The following ACTR3C variants were observed in gnomAD, a reference collection of about 807,000 sequenced individuals.
ACTR3C encodes the protein actin related protein 3C.
Under a neutral mutation model 26.3 loss-of-function variants are expected in ACTR3C, and 18 were observed. The ratio of observed to expected loss-of-function variants is 0.68; its 90% CI spans 0.47 to 1.01. ACTR3C has a LOEUF of 1.01. ACTR3C is among the 50% of genes least tolerant of loss of function. ACTR3C has a pLI of 0.00. For missense variants in ACTR3C, 184 were observed against 250.7 expected (o/e 0.73, Z 1.80); for synonymous variants, 55 against 94.5 (o/e 0.58, Z 2.42).
At chr7:150,174,696 G>C in the ACTR3C span, among the ~76,000 whole-genome samples, 1 of 141,576 alleles carries the variant, frequency 7.1e-6, no homozygotes, top group Non-Finnish European at 1.5e-5. Context: ...ATGTATATTT[G>C]AGTAGCCTTA....
intron 1 of ACTR3C, among the ~76,000 whole-genome samples, chr7:150,311,120 A>G (rs1796285676): frequency 6.6e-6 from 1 of 152,184 alleles, no homozygotes; most frequent in South Asian, 2.1e-4. Context: ...AGCTCACTAA[A>G]GGTGATTTAA....
the ACTR3C span, among the ~76,000 whole-genome samples, chr7:150,041,709 G>T: frequency 1.2e-4 from 17 of 142,062 alleles, no homozygotes; most frequent in African/African-American, 3.7e-4. Flanking sequence ...CCACCCTCGC[G>T]GGGGGTGCCT....
At chr7:150,073,024 G>A in the ACTR3C span, among the ~76,000 whole-genome samples, 1 of 152,176 alleles carries the variant, frequency 6.6e-6, no homozygotes, top group Non-Finnish European at 1.5e-5. Context: ...GAGTGGCATC[G>A]ACTATTTAAT....
chr7:150,009,368 G>T, the ACTR3C span, among the ~76,000 whole-genome samples: 1 of 152,234 alleles, frequency 6.6e-6, no homozygotes, highest in African/African-American at 2.4e-5. Context: ...GCAGGTCTGT[G>T]CATTCAGTGA....
chr7:149,918,903 A>T, the ACTR3C span, among the ~76,000 whole-genome samples: 1 of 152,160 alleles, frequency 6.6e-6, no homozygotes, highest in Non-Finnish European at 1.5e-5. Flanking sequence ...GTTGGTGCCC[A>T]TGTACCTGTG....
chr7:150,228,897 T>TG, the ACTR3C span, among the ~76,000 whole-genome samples: 1 of 149,546 alleles, frequency 6.7e-6, no homozygotes, highest in African/African-American at 2.5e-5. Context: ...TATATATATA[T>TG]AGAGAGAGTG....
chr7:149,973,124 C>T, the ACTR3C span, among the ~76,000 whole-genome samples: 4 of 151,810 alleles, frequency 2.6e-5, no homozygotes, highest in Non-Finnish European at 5.9e-5. Context: ...GCCCCATGAG[C>T]GAGCGGCACA....
the ACTR3C span, among the ~76,000 whole-genome samples, chr7:150,228,259 G>A: frequency 1.3e-5 from 2 of 152,140 alleles, no homozygotes; most frequent in Non-Finnish European, 2.9e-5. Context: ...TATTTTTGGT[G>A]ATGCCGTAAG....
the ACTR3C span, among the ~76,000 whole-genome samples, chr7:150,035,182 G>A: frequency 7.3e-6 from 1 of 137,010 alleles, no homozygotes; most frequent in Admixed American, 7.1e-5. Flanking sequence ...AGAGGGTCTG[G>A]CTCTCAGTCC....
the ACTR3C span, among the ~76,000 whole-genome samples, chr7:150,042,912 A>G: frequency 1.1e-4 from 16 of 150,946 alleles, no homozygotes; most frequent in Middle Eastern, 3.4e-3. Context: ...TGGGGCTGCC[A>G]GAAGTTTTTC....
At chr7:149,887,146 A>G in the ACTR3C span, among the ~76,000 whole-genome samples, 1 of 152,182 alleles carries the variant, frequency 6.6e-6, no homozygotes, top group Non-Finnish European at 1.5e-5. Context: ...GGTCTATCTC[A>G]GGGGAAGAAA....
At chr7:149,908,864 C>T in the ACTR3C span, among the ~76,000 whole-genome samples, 1 of 151,954 alleles carries the variant, frequency 6.6e-6, no homozygotes, top group Non-Finnish European at 1.5e-5. Context: ...TCACTGCAAC[C>T]TCCACCCCCC....
intron 6 of ACTR3C, among the ~76,000 whole-genome samples, chr7:150,265,045 G>A (rs1833926982): frequency 6.6e-6 from 1 of 151,902 alleles, no homozygotes; most frequent in South Asian, 2.1e-4. Flanking sequence ...AATCAAACTA[G>A]GTCACCAAAA....
chr7:150,041,978 T>C, the ACTR3C span, among the ~76,000 whole-genome samples: 1 of 146,646 alleles, frequency 6.8e-6, no homozygotes, highest in Non-Finnish European at 1.5e-5. Flanking sequence ...GATTTGAACT[T>C]TCTACTTGGA....
At chr7:150,041,520 G>A in the ACTR3C span, 2,100 of 218,474 alleles carry the variant, frequency 9.6e-3, 149 homozygotes, top group African/African-American at 0.049. Context: ...GGGGGAAGAG[G>A]GTCTGGCTCT....
the ACTR3C span, among the ~76,000 whole-genome samples, chr7:150,142,713 G>A: frequency 7.2e-5 from 11 of 152,078 alleles, no homozygotes; most frequent in African/African-American, 2.4e-4. Context: ...ATTTTTAGTA[G>A]AGATGGGGTT....
At chr7:149,996,571 G>T in the ACTR3C span, among the ~76,000 whole-genome samples, 1 of 144,306 alleles carries the variant, frequency 6.9e-6, no homozygotes, top group East Asian at 2.0e-4. Flanking sequence ...AAAAATAGCA[G>T]TTCTGGTAAA....
At chr7:150,103,264 C>G in the ACTR3C span, among the ~76,000 whole-genome samples, 1 of 151,960 alleles carries the variant, frequency 6.6e-6, no homozygotes, top group African/African-American at 2.4e-5. Flanking sequence ...GTTATTTACT[C>G]GTTCACCAGA....
At chr7:150,005,264 G>A in the ACTR3C span, 1 of 152,124 alleles carries the variant, frequency 6.6e-6, no homozygotes, top group African/African-American at 2.4e-5. Context: ...CAGTCTGTGA[G>A]AACCCCTTTC....
Sources: allele counts gnomAD v4.1 joint callset (sites outside exome capture counted in the v4.1 genomes callset), GRCh38; gene constraint gnomAD v4.1.1; transcripts MANE v1.5; gene names NCBI Gene and HGNC (gene_info 2026-07-23, HGNC 2026-07-21).